Variants in RCAN3 observed in about 807,000 individuals in gnomAD.
The protein encoded by RCAN3 is regulator of calcineurin 3, also known as calcipressin-3.
Under a neutral mutation model 21.9 loss-of-function variants are expected in RCAN3, and 19 were observed. The ratio of observed to expected loss-of-function variants is 0.87; its 90% CI spans 0.61 to 1.27. RCAN3 has a LOEUF of 1.27. RCAN3 is among the 50% of genes most tolerant of loss of function. The pLI, the probability that RCAN3 is intolerant of heterozygous loss-of-function variation, is 0.00. For missense variants in RCAN3, 240 were observed against 300.1 expected (o/e 0.80, Z 1.48); for synonymous variants, 114 against 112.3 (o/e 1.01, Z -0.09).
At chr1:24,508,365 C>T (rs6681439) in intron 1 of RCAN3, among the ~76,000 whole-genome samples, 3 of 152,130 alleles carry the variant, frequency 2.0e-5, no homozygotes, top group Non-Finnish European at 2.9e-5. Flanking sequence ...GTCTTAAGGT[C>T]GTTGCACGAA....
intron 4 of RCAN3, among the ~76,000 whole-genome samples, chr1:24,534,811 T>A (rs34521329): frequency 0.054 from 8,280 of 152,188 alleles, 332 homozygotes; most frequent in Non-Finnish European, 0.082. Flanking sequence ...ATAAATAAAT[T>A]AATTAATTAA....
rs372611057 is a variant in RCAN3 at position 24,521,865 on chromosome 1, A to C, written c.195+7298A>C. ...TCTGTCTCAAAAACAAACAAACAAA[A>C]AAAATTTTTTTAAAAAAGAAAATAG... On this transcript the variant is annotated intron_variant, in intron 2 of 4. Transcript: ENST00000374395. 2.6e-5 allele frequency among the ~76,000 whole-genome samples: 4 copies of C among 151,678 alleles called. No homozygotes were observed. In the South Asian group the frequency reaches 6.3e-4, roughly 24 times the overall value.
chr1:24,504,169 CCTTTT>C (rs1432367524), intron 1 of RCAN3, among the ~76,000 whole-genome samples: 1 of 152,180 alleles, frequency 6.6e-6, no homozygotes, highest in Non-Finnish European at 1.5e-5. Flanking sequence ...GCAAGCCTTG[CCTTTT>C]CTTTTCTCTT....
intron 4 of RCAN3, 32 bp from the exon 5 acceptor site, chr1:24,535,061 T>C (rs534515422): frequency 3.8e-6 from 6 of 1,583,300 alleles, no homozygotes; most frequent in Non-Finnish European, 5.1e-6. Context: ...GAAGTGATGC[T>C]TTTGTCATGG....
In RCAN3 at chr1:24,531,350, A is replaced by C; in HGVS notation, c.328A>C (p.Thr110Pro). The C allele has an allele frequency of 6.2e-7, 1 of 1,613,742 alleles. No individual in the cohort carries two copies. The highest frequency in any genetic ancestry group is 8.5e-7 in the Non-Finnish European group (1 of 1,179,830). ...AAGAGCGCGAATAGAACTCCACGAA[A>C]CAGACTTCAATGGGCAGAAGCTAAA... ...AARARIELHE[T>P]DFNGQKLKLY... Residue 110 changes from threonine to proline, a missense_variant, in exon 3 of 5, where the codon ACA (threonine) becomes CCA (proline). Thr to Pro is a conservative substitution (Grantham distance 38). Coordinates refer to ENST00000374395, the MANE Select transcript of RCAN3 (RefSeq NM_013441.4).
At chr1:24,515,003 A>G (rs1283369688) in intron 2 of RCAN3, among the ~76,000 whole-genome samples, 1 of 151,946 alleles carries the variant, frequency 6.6e-6, no homozygotes, top group Admixed American at 6.6e-5. Context: ...GTCCACTTTT[A>G]GATGTTGCCG....
chr1:24,532,978 AAT>A, intron 3 of RCAN3, 103 bp from the exon 4 acceptor site: 1 of 639,482 alleles, frequency 1.6e-6, no homozygotes, highest in Non-Finnish European at 2.2e-6. Context: ...AAAAAAAAGA[AAT>A]GTTTAATTTT....
chr1:24,532,948 C>CAAAAAA (rs756973308), intron 3 of RCAN3, 135 bp from the exon 4 acceptor site: 15 of 93,202 alleles, frequency 1.6e-4, no homozygotes, highest in African/African-American at 6.9e-4. Context: ...GACTCCGTCT[C>CAAAAAA]AAAAAAAAAA....
chr1:24,515,359 G>A (rs1382290102), intron 2 of RCAN3, among the ~76,000 whole-genome samples: 1 of 151,898 alleles, frequency 6.6e-6, no homozygotes, highest in Non-Finnish European at 1.5e-5. Context: ...TTCTATAACT[G>A]GGGAAAATGA....
intron 2 of RCAN3, among the ~76,000 whole-genome samples, chr1:24,520,959 C>T (rs1200884989): frequency 6.6e-6 from 1 of 151,996 alleles, no homozygotes; most frequent in East Asian, 1.9e-4. Flanking sequence ...GAAAACCTAC[C>T]CTGAAATTCA....
Position 24,502,870 on chromosome 1 carries a change from G to C in RCAN3, c.-340G>C, listed in dbSNP as rs1249406081. 1.3e-5 allele frequency: 2 copies of C among 150,328 alleles called. No homozygotes were observed. Among genetic ancestry groups the C allele is most frequent in the Non-Finnish European group, 3.0e-5 (2 of 67,330 alleles). 9.3% of individuals were successfully genotyped at this position (150,328 alleles called of 1,614,324 possible). On this transcript the variant is annotated 5_prime_UTR_variant, in exon 1 of 5. Transcript: ENST00000374395. ...GGGGACGAGGCGGGCGCGCGGCGCC[G>C]GCAGCCTAGCTCAGCCGGGACACCG...
At position 24,502,932 on chromosome 1, in the gene RCAN3, TCGAGGGCGTGGCGG is replaced by T. The variant is rs1314022256; in HGVS notation, c.-272_-259del. Reference sequence around the variant, plus strand: ...GCCCAGGGGGCCGCTCTCGCCGGCGTCGAGGGCGTGGCGGCGAGGCTGCTGCTGCAGGCGGCTCC... The same window carrying T: ...GCCCAGGGGGCCGCTCTCGCCGGCGTCGAGGCTGCTGCTGCAGGCGGCTCC... On this transcript the variant is annotated 5_prime_UTR_variant, in exon 1 of 5. Transcript: ENST00000374395. 6.7e-6 allele frequency: 1 copy of T among 149,720 alleles called. No homozygotes were observed. 9.3% of individuals were successfully genotyped at this position (149,720 alleles called of 1,614,324 possible).
chr1:24,523,225 G>C (rs1057044794), intron 2 of RCAN3, among the ~76,000 whole-genome samples: 2 of 151,950 alleles, frequency 1.3e-5, no homozygotes, highest in Non-Finnish European at 2.9e-5. Context: ...CACTGCGCCC[G>C]GCTAATTTTT....
At chr1:24,514,981 AAG>A (rs1648186499) in intron 2 of RCAN3, among the ~76,000 whole-genome samples, 2 of 147,932 alleles carry the variant, frequency 1.4e-5, no homozygotes, top group African/African-American at 4.9e-5. Context: ...AAAAAAAAAA[AAG>A]AAAGTGTATG....
Position 24,535,210 on chromosome 1 carries a change from A to G in RCAN3, c.659A>G (p.Gln220Arg). 1 of 1,592,252 alleles carries G rather than the reference A, an allele frequency of 6.3e-7. No individual in the cohort carries two copies. The highest frequency in any genetic ancestry group is 8.5e-7 in the Non-Finnish European group (1 of 1,172,324). The change falls in exon 5 of 5, where the codon CAG becomes CGG. Residue 220 changes from glutamine (Q) to arginine (R), a missense_variant. Transcript: ENST00000374395. ...ETKNPKQKIA[Q>R]TRRPDPPTAA... Reference sequence around the variant, plus strand: ...AAAAACCCCAAACAGAAAATTGCCCAGACGAGGCGCCCCGACCCTCCGACC... The same window carrying G: ...AAAAACCCCAAACAGAAAATTGCCCGGACGAGGCGCCCCGACCCTCCGACC...
chr1:24,518,925 C>T (rs1052292370), intron 2 of RCAN3, among the ~76,000 whole-genome samples: 3 of 152,118 alleles, frequency 2.0e-5, no homozygotes, highest in African/African-American at 4.8e-5. Flanking sequence ...AGGCATCCAC[C>T]ACCATGCTCG....
At chr1:24,524,940 G>A (rs957121589) in intron 2 of RCAN3, among the ~76,000 whole-genome samples, 2 of 148,648 alleles carry the variant, frequency 1.3e-5, no homozygotes, top group African/African-American at 2.5e-5. Flanking sequence ...AGCAATTCTC[G>A]TGCATCAGTC....
intron 2 of RCAN3, among the ~76,000 whole-genome samples, chr1:24,529,147 T>G (rs948946181): frequency 1.3e-5 from 2 of 152,126 alleles, no homozygotes; most frequent in African/African-American, 4.8e-5. Context: ...GTTGCTCACG[T>G]CTTTAATCCC....
chr1:24,505,148 GC>G (rs906574664), intron 1 of RCAN3, among the ~76,000 whole-genome samples: 26 of 150,514 alleles, frequency 1.7e-4, no homozygotes, highest in African/African-American at 6.3e-4. Context: ...AGAAGGTAGG[GC>G]TTCGTGATAG....
Sources: allele counts gnomAD v4.1 joint callset (sites outside exome capture counted in the v4.1 genomes callset), GRCh38; gene constraint gnomAD v4.1.1; transcripts MANE v1.5; gene names NCBI Gene and HGNC (gene_info 2026-07-23, HGNC 2026-07-21).